The following ACSL5 variants were observed in gnomAD, a reference collection of about 807,000 sequenced individuals.
The protein encoded by ACSL5 is acyl-CoA synthetase long chain family member 5, also known as long-chain-fatty-acid--CoA ligase 5.
Under a neutral mutation model 84.9 loss-of-function variants are expected in ACSL5, and 50 were observed. The observed-to-expected ratio is 0.59, with a 90% CI of 0.47 to 0.75. The LOEUF (loss-of-function observed/expected upper bound fraction) is 0.75, where lower values mean the gene tolerates loss of function less well. Ranked by LOEUF, ACSL5 falls within the 30% of genes least tolerant of loss-of-function variation. ACSL5 has a pLI of 0.00. For synonymous variants in ACSL5, 280 were observed against 300.7 expected (o/e 0.93, Z 0.71); for missense variants, 775 against 830.4 (o/e 0.93, Z 0.82).
chr10:112,404,037 G>A (rs1843970095), intron 3 of ACSL5, among the ~76,000 whole-genome samples: 1 of 152,148 alleles, frequency 6.6e-6, no homozygotes, highest in South Asian at 2.1e-4. Flanking sequence ...AAGGGCCATG[G>A]GATAATATAT....
chr10:112,392,551 C>G (rs1296221644), intron 1 of ACSL5, among the ~76,000 whole-genome samples: 1 of 152,034 alleles, frequency 6.6e-6, no homozygotes, highest in Non-Finnish European at 1.5e-5. Flanking sequence ...ACCATCCTGG[C>G]CAACATAGTG....
intron 1 of ACSL5, among the ~76,000 whole-genome samples, chr10:112,390,644 GTAGATAGATAAATAGA>G (rs1416159980): frequency 7.3e-6 from 1 of 136,366 alleles, no homozygotes; most frequent in Non-Finnish European, 1.6e-5. Context: ...TCATCAACTG[GTAGATAGATAAATAGA>G]TAGATAGATA....
intron 1 of ACSL5, among the ~76,000 whole-genome samples, chr10:112,386,366 G>A (rs1177719654): frequency 1.3e-5 from 2 of 151,630 alleles, no homozygotes; most frequent in Non-Finnish European, 2.9e-5. Context: ...GCTAATTTTT[G>A]TATTTTGAGT....
At chr10:112,391,519 T>C (rs1843639489) in intron 1 of ACSL5, among the ~76,000 whole-genome samples, 1 of 152,184 alleles carries the variant, frequency 6.6e-6, no homozygotes, top group Non-Finnish European at 1.5e-5. Context: ...TCAAATAAAA[T>C]CCCTTGCCAA....
At chr10:112,418,038 A>C (rs1844359805) in intron 14 of ACSL5, 97 bp downstream of exon 14, 1 of 966,074 alleles carries the variant, frequency 1.0e-6, no homozygotes. Flanking sequence ...AGGTACCAAA[A>C]TGAAAGTCAC....
At chr10:112,417,083 A>G in intron 13 of ACSL5, 61 bp downstream of exon 13, 1 of 1,565,404 alleles carries the variant, frequency 6.4e-7, no homozygotes, top group Non-Finnish European at 8.7e-7. Flanking sequence ...CTGACTCCTT[A>G]GACCTTGCTT....
rs115743554 is a variant in ACSL5, at chr10:112,428,173, G to T, written c.*815G>T. 871 of 340,488 alleles carry T rather than the reference G, an allele frequency of 2.6e-3. 6 individuals carry two copies. Among genetic ancestry groups the T allele is most frequent in the African/African-American group, 0.017 (810 of 47,598 alleles). 21.1% of individuals were successfully genotyped at this position (340,488 alleles called of 1,614,324 possible). A position where few individuals can be genotyped will look rare whatever the true frequency, so the allele number is the denominator to read the frequency against. ...CCAGTGAACTTTTCCAGTAAATGAA[G>T]CAAGCACTGAATAAAAACCTCCTGA... is the stretch of plus-strand genomic sequence containing the variant. On this transcript the variant is annotated 3_prime_UTR_variant, in exon 21 of 21. Transcript: ENST00000354655.
intron 1 of ACSL5, among the ~76,000 whole-genome samples, chr10:112,390,566 C>T (rs1849537587): frequency 6.6e-6 from 1 of 152,050 alleles, no homozygotes; most frequent in African/African-American, 2.4e-5. Flanking sequence ...GATATTCAAA[C>T]AAAAACTGTA....
Position 112,395,087 on chromosome 10 carries a change from G to A in ACSL5, c.141G>A (p.Gln47=). Residue 47 remains glutamine (Q), a synonymous_variant, in exon 2 of 21, where the codon CAG becomes CAA. Transcript: ENST00000354655. ...PVLPLLDLNN[Q]SVGIEGGARK... ...TACCTCTTCTTGACCTGAACAATCAGTCTGTGGGAATTGAGGTAATTTACC... is the reference window on the plus strand; with the variant it reads ...TACCTCTTCTTGACCTGAACAATCAATCTGTGGGAATTGAGGTAATTTACC... The A allele has an allele frequency of 6.2e-7, 1 of 1,613,422 alleles. No homozygotes were observed. The highest frequency in any genetic ancestry group is 8.5e-7 in the Non-Finnish European group (1 of 1,179,644).
intron 9 of ACSL5, among the ~76,000 whole-genome samples, chr10:112,411,197 C>A (rs1486827414): frequency 6.6e-6 from 1 of 152,140 alleles, no homozygotes; most frequent in African/African-American, 2.4e-5. Flanking sequence ...TTGAATTTTT[C>A]TTTGCAGCTG....
intron 1 of ACSL5, among the ~76,000 whole-genome samples, chr10:112,391,937 C>T (rs182494014): frequency 7.4e-4 from 112 of 152,294 alleles, no homozygotes; most frequent in African/African-American, 2.6e-3. Flanking sequence ...TCAGGTTATT[C>T]ACTCTTCTTC....
At chr10:112,391,237 C>A (rs905662476) in intron 1 of ACSL5, among the ~76,000 whole-genome samples, 1 of 151,996 alleles carries the variant, frequency 6.6e-6, no homozygotes, top group Non-Finnish European at 1.5e-5. Flanking sequence ...AAGTTAGTTG[C>A]GCATGGTGGC....
chr10:112,391,931 G>T (rs775458215), intron 1 of ACSL5, among the ~76,000 whole-genome samples: 4 of 152,066 alleles, frequency 2.6e-5, no homozygotes, highest in Non-Finnish European at 5.9e-5. Context: ...TACCAGTCAG[G>T]TTATTCACTC....
intron 1 of ACSL5, among the ~76,000 whole-genome samples, chr10:112,389,873 T>C (rs929049337): frequency 1.3e-5 from 2 of 152,272 alleles, no homozygotes; most frequent in African/African-American, 4.8e-5. Context: ...ATGATATGGT[T>C]GCAAATCCTC....
rs141233320 is a variant in ACSL5 at position 112,376,434 on chromosome 10, C to T, written c.-30+2165C>T. 1.1e-4 allele frequency: 179 copies of T among 1,614,066 alleles called. No individual in the cohort carries two copies. In the African/African-American group the frequency reaches 1.8e-3, roughly 16 times the overall value. On this transcript the variant is annotated intron_variant, in intron 1 of 20. Coordinates refer to ENST00000354655, the MANE Select transcript of ACSL5 (RefSeq NM_203379.2). ...CATTCACTAGAAGCACTGAGAGATG[C>T]GGCCCCCTCGCAGGGTAAGGGGACC...
Position 112,413,326 on chromosome 10 carries a change from A to G in ACSL5, c.1083+19A>G. On this transcript the variant is annotated intron_variant, in intron 12 of 20. Coordinates refer to ENST00000354655, the MANE Select transcript of ACSL5 (RefSeq NM_203379.2). ...CGATAAGGTACTAACTTTCAGCTGA[A>G]GGGACTGTCTGTGACTTGGGCCTGC... The G allele has an allele frequency of 6.2e-7, 1 of 1,613,746 alleles. No individual in the cohort carries two copies. The highest frequency in any genetic ancestry group is 8.5e-7 in the Non-Finnish European group (1 of 1,179,740).
chr10:112,394,704 G>T, intron 1 of ACSL5: 2 of 979,146 alleles, frequency 2.0e-6, no homozygotes, highest in South Asian at 9.5e-5. Flanking sequence ...AAGTAGCAGA[G>T]GTGGAGAATG....
intron 11 of ACSL5, 101 bp from the exon 12 acceptor site, chr10:112,413,072 G>A: frequency 7.7e-7 from 1 of 1,298,808 alleles, no homozygotes; most frequent in East Asian, 2.4e-5. Context: ...CCCCACTGAA[G>A]GGGTTGTTTG....
chr10:112,382,919 C>T (rs899972275), intron 1 of ACSL5, among the ~76,000 whole-genome samples: 2 of 152,288 alleles, frequency 1.3e-5, no homozygotes, highest in South Asian at 2.1e-4. Context: ...AACAGGGCTC[C>T]CTTTGGTAAT....
Sources: gnomAD v4.1 joint callset for allele counts (sites outside exome capture counted in the v4.1 genomes callset) on GRCh38, gnomAD v4.1.1 for gene constraint, MANE v1.5 for transcripts, NCBI Gene and HGNC (gene_info 2026-07-23, HGNC 2026-07-21) for gene names.